Variants in ABLIM1 observed in about 807,000 individuals in gnomAD.
ABLIM1 encodes actin-binding LIM protein 1.
Under a neutral mutation model 107.0 loss-of-function variants are expected in ABLIM1, and 40 were observed. That is an observed-to-expected ratio of 0.37 (90% confidence interval 0.29 to 0.49). ABLIM1 has a LOEUF of 0.49. Among genes scored for constraint, ABLIM1 ranks in the 20% least tolerant of loss-of-function variants. The pLI is 0.97. For missense variants in ABLIM1, 857 were observed against 1,008.5 expected (o/e 0.85, Z 2.04); for synonymous variants, 357 against 357.3 (o/e 1.00, Z 0.01).
chr10:114,587,512 A>C (rs2074324823), intron 2 of ABLIM1, among the ~76,000 whole-genome samples: 1 of 152,204 alleles, frequency 6.6e-6, no homozygotes, highest in Admixed American at 6.5e-5. Context: ...TAACATATAA[A>C]ACTACTTCCA....
intron 1 of ABLIM1, among the ~76,000 whole-genome samples, chr10:114,765,585 A>G (rs1016135917): frequency 3.3e-5 from 5 of 152,212 alleles, no homozygotes; most frequent in African/African-American, 1.2e-4. Context: ...TTGAAACACC[A>G]TAGTGAAGCC....
intron 8 of ABLIM1, among the ~76,000 whole-genome samples, chr10:114,483,872 C>G (rs1003383499): frequency 1.3e-5 from 2 of 152,172 alleles, no homozygotes; most frequent in Admixed American, 6.5e-5. Context: ...TCTAGTTTAA[C>G]AGGCCAAGGT....
In ABLIM1 at chr10:114,435,144, G is replaced by A. The variant is rs577055064; in HGVS notation, c.*1116C>T. 2 of 152,316 alleles carry A rather than the reference G, an allele frequency of 1.3e-5. No individual in the cohort carries two copies. The highest frequency in any genetic ancestry group is 3.9e-4 in the East Asian group (2 of 5,188). 9.4% of individuals were successfully genotyped at this position (152,316 alleles called of 1,614,324 possible). A position where few individuals can be genotyped will look rare whatever the true frequency, so the allele number is the denominator to read the frequency against. ...AGCTGGGCAAGAAGAAAGCTGAAAA[G>A]GCCAAATTAAATACGTTCGAAGGAG... On this transcript the variant is annotated 3_prime_UTR_variant, in exon 23 of 23. Transcript: ENST00000533213.
At chr10:114,541,901 C>T (rs1320461349) in intron 6 of ABLIM1, among the ~76,000 whole-genome samples, 1 of 10,300 alleles carries the variant, frequency 9.7e-5, no homozygotes, top group Non-Finnish European at 1.9e-4. Context: ...AGGGAATCAA[C>T]ACACACACAC....
chr10:114,764,684 G>A (rs1017611315), intron 1 of ABLIM1: 1 of 152,170 alleles, frequency 6.6e-6, no homozygotes, highest in Non-Finnish European at 1.5e-5. Flanking sequence ...AAACCAACCA[G>A]GGACATTTAA....
intron 14 of ABLIM1, among the ~76,000 whole-genome samples, chr10:114,450,552 C>T (rs1337873510): frequency 6.6e-6 from 1 of 151,002 alleles, no homozygotes; most frequent in Non-Finnish European, 1.5e-5. Context: ...TCTCCTGCCT[C>T]AGCCTCCCAT....
At chr10:114,717,652 T>C (rs757691365) in intron 1 of ABLIM1, among the ~76,000 whole-genome samples, 4 of 152,096 alleles carry the variant, frequency 2.6e-5, no homozygotes, top group Non-Finnish European at 5.9e-5. Flanking sequence ...CAGTGGCTCA[T>C]GCCTGTAATC....
At chr10:114,497,681 CAAAAAAAAAA>C (rs576676119) in intron 6 of ABLIM1, among the ~76,000 whole-genome samples, 3,078 of 75,644 alleles carry the variant, frequency 0.041, 134 homozygotes, top group African/African-American at 0.15. Context: ...GATTCTGTCT[CAAAAAAAAAA>C]AAAAAAAAAA....
chr10:114,690,211 G>A lies in ABLIM1; in HGVS notation c.-213+77850C>T, dbSNP rs561790461. The A allele has an allele frequency of 1.2e-4, 177 of 1,422,576 alleles. 3 individuals are homozygous for A. Among genetic ancestry groups the A allele is most frequent in the Non-Finnish European group, 1.6e-5 (16 of 1,015,954 alleles). 88.1% of individuals were successfully genotyped at this position (1,422,576 alleles called of 1,614,324 possible). On this transcript the variant is annotated intron_variant, in intron 1 of 15. Transcript: ENST00000651092. ...GTCTTTCCATTCCTGGACCCAAAGC[G>A]CCCCGTGGCCTCCACAATATTTATG...
chr10:114,463,769 T>C (rs1246301819), intron 12 of ABLIM1, among the ~76,000 whole-genome samples: 1 of 150,112 alleles, frequency 6.7e-6, no homozygotes, highest in Non-Finnish European at 1.5e-5. Flanking sequence ...ACCGAGGGGG[T>C]TTTAAATCAT....
At chr10:114,468,938 G>A (rs1468257362) in intron 10 of ABLIM1, among the ~76,000 whole-genome samples, 1 of 151,520 alleles carries the variant, frequency 6.6e-6, no homozygotes, top group East Asian at 2.0e-4. Flanking sequence ...TGTAGTCCCA[G>A]CTACTTGGGA....
intron 1 of ABLIM1, among the ~76,000 whole-genome samples, chr10:114,646,252 C>A (rs1374075966): frequency 2.0e-5 from 3 of 152,046 alleles, no homozygotes; most frequent in Non-Finnish European, 2.9e-5. Flanking sequence ...GAGCATTTAC[C>A]AATATGCTTC....
chr10:114,789,791 G>GTTT, the ABLIM1 span, among the ~76,000 whole-genome samples: 1 of 135,052 alleles, frequency 7.4e-6, no homozygotes, highest in Non-Finnish European at 1.6e-5. Context: ...ATGTATATTT[G>GTTT]TTTTTTTTTT....
intron 1 of ABLIM1, among the ~76,000 whole-genome samples, chr10:114,697,052 A>C (rs2081209516): frequency 6.6e-6 from 1 of 152,150 alleles, no homozygotes; most frequent in African/African-American, 2.4e-5. Flanking sequence ...CAGTAATCTG[A>C]ATCTCTCGGC....
At chr10:114,704,290 CTCTCTCTCTCTCTATATA>C (rs1295537757) in intron 1 of ABLIM1, among the ~76,000 whole-genome samples, 10 of 26,870 alleles carry the variant, frequency 3.7e-4, no homozygotes, top group African/African-American at 1.4e-3. Flanking sequence ...CTCTCTCTCT[CTCTCTCTCTCTCTATATA>C]TATATATATA....
chr10:114,534,730 C>G (rs1413865504), intron 6 of ABLIM1, among the ~76,000 whole-genome samples: 1 of 152,152 alleles, frequency 6.6e-6, no homozygotes. Flanking sequence ...GTCAGTTACT[C>G]CCCTGCTTAC....
At chr10:114,600,049 T>C (rs2075828346) in intron 2 of ABLIM1, among the ~76,000 whole-genome samples, 1 of 152,176 alleles carries the variant, frequency 6.6e-6, no homozygotes, top group Admixed American at 6.5e-5. Context: ...ATCTGGTATA[T>C]GGAACCTGCA....
At chr10:114,712,924 C>T (rs1296313817) in intron 1 of ABLIM1, among the ~76,000 whole-genome samples, 1 of 152,164 alleles carries the variant, frequency 6.6e-6, no homozygotes, top group Non-Finnish European at 1.5e-5. Flanking sequence ...GTGGCTCACA[C>T]ATGTAGTCCT....
chr10:114,546,300 T>TC (rs1161518749), intron 5 of ABLIM1, among the ~76,000 whole-genome samples: 4 of 149,452 alleles, frequency 2.7e-5, no homozygotes, highest in Admixed American at 1.3e-4. Context: ...TTTCTTTCTT[T>TC]TTTTTTTTTT....
Sources: gnomAD v4.1 joint callset for allele counts (sites outside exome capture counted in the v4.1 genomes callset) on GRCh38, gnomAD v4.1.1 for gene constraint, MANE v1.5 for transcripts, NCBI Gene and HGNC (gene_info 2026-07-23, HGNC 2026-07-21) for gene names.